Variants in LRRTM4 observed in about 807,000 individuals in gnomAD.
The protein encoded by LRRTM4 is leucine rich repeat transmembrane neuronal 4, also known as leucine-rich repeat transmembrane neuronal protein 4.
LRRTM4 carries 25 observed loss-of-function variants against 47.6 expected under a neutral mutation model. The observed-to-expected ratio is 0.53, with a 90% CI of 0.38 to 0.73. The LOEUF is 0.73. Among genes scored for constraint, LRRTM4 ranks in the 30% least tolerant of loss-of-function variants. The pLI, the probability that LRRTM4 is intolerant of heterozygous loss-of-function variation, is 0.00. For missense variants in LRRTM4, 638 were observed against 713.4 expected (o/e 0.89, Z 1.20); for synonymous variants, 311 against 269.5 (o/e 1.15, Z -1.51).
chr2:77,516,597 T>A (rs1480276449), intron 3 of LRRTM4: 1 of 981,392 alleles, frequency 1.0e-6, no homozygotes, highest in African/African-American at 1.7e-5. Flanking sequence ...GATGAACTTG[T>A]GTTACTAATA....
intron 3 of LRRTM4, among the ~76,000 whole-genome samples, chr2:77,061,837 C>G (rs1679797297): frequency 6.6e-6 from 1 of 152,106 alleles, no homozygotes. Context: ...ACCAATCACG[C>G]TGGATTATCA....
intron 3 of LRRTM4, among the ~76,000 whole-genome samples, chr2:76,995,195 A>G (rs1677156893): frequency 6.6e-6 from 1 of 152,084 alleles, no homozygotes; most frequent in African/African-American, 2.4e-5. Flanking sequence ...AGCTACCTAG[A>G]TAATTCCTTA....
At chr2:77,132,655 G>A (rs778922685) in intron 3 of LRRTM4, among the ~76,000 whole-genome samples, 1 of 152,138 alleles carries the variant, frequency 6.6e-6, no homozygotes, top group Non-Finnish European at 1.5e-5. Context: ...TGAAAGAGCA[G>A]AAGAGCAAAA....
Position 77,519,883 on chromosome 2 carries a change from G to T in LRRTM4, c.5-19C>A. ...TGGAAACCTACGATATTAAAAAAAAGACAGATGCACATTGTGAAGCTATTA... is the reference window on the plus strand; with the variant it reads ...TGGAAACCTACGATATTAAAAAAAATACAGATGCACATTGTGAAGCTATTA... On this transcript the variant is annotated intron_variant, in intron 2 of 3. Coordinates refer to ENST00000409884, the MANE Select transcript of LRRTM4 (RefSeq NM_001134745.3). This position sits in a 1 kb window ranked among gnomAD's most constrained non-coding sequence, Gnocchi z 4.6. 6.5e-7 allele frequency: 1 copy of T among 1,547,956 alleles called. No homozygotes were observed. Among genetic ancestry groups the T allele is most frequent in the Non-Finnish European group, 8.7e-7 (1 of 1,147,218 alleles).
At chr2:76,913,405 CTAAA>C (rs1479092075) in intron 3 of LRRTM4, among the ~76,000 whole-genome samples, 1 of 151,608 alleles carries the variant, frequency 6.6e-6, no homozygotes, top group Non-Finnish European at 1.5e-5. Flanking sequence ...ATTTATTTAA[CTAAA>C]TATATTACTG....
chr2:77,154,802 T>C (rs1672515725), intron 3 of LRRTM4, among the ~76,000 whole-genome samples: 1 of 152,178 alleles, frequency 6.6e-6, no homozygotes, highest in African/African-American at 2.4e-5. Context: ...ATGCATGGGC[T>C]TTATGAGTCA....
chr2:77,082,623 G>A (rs1007102595), intron 3 of LRRTM4, among the ~76,000 whole-genome samples: 5 of 152,074 alleles, frequency 3.3e-5, no homozygotes, highest in Non-Finnish European at 5.9e-5. Flanking sequence ...AGATAAGCCA[G>A]TGCGTCAACA....
chr2:77,309,724 T>C (rs1573231258), intron 3 of LRRTM4, among the ~76,000 whole-genome samples: 1 of 149,182 alleles, frequency 6.7e-6, no homozygotes, highest in Non-Finnish European at 1.5e-5. Context: ...GATAGATAGA[T>C]AGATAGATAT....
At chr2:77,495,511 A>G (rs1176411999) in intron 3 of LRRTM4, among the ~76,000 whole-genome samples, 6 of 151,924 alleles carry the variant, frequency 3.9e-5, no homozygotes, top group African/African-American at 1.2e-4. Flanking sequence ...TTTATTCTAG[A>G]ATTTTTATGG....
chr2:77,436,125 G>A (rs1041598042), intron 3 of LRRTM4, among the ~76,000 whole-genome samples: 23 of 152,116 alleles, frequency 1.5e-4, no homozygotes, highest in Middle Eastern at 3.4e-3. Flanking sequence ...TATTAAAAGC[G>A]GTACCAAAAT....
chr2:77,224,770 T>G (rs1327661896), intron 3 of LRRTM4, among the ~76,000 whole-genome samples: 9 of 152,136 alleles, frequency 5.9e-5, no homozygotes, highest in East Asian at 5.8e-4. Flanking sequence ...GGTGGGACTG[T>G]AAACTAGTTC....
rs144817565 is a variant in LRRTM4 at position 77,151,117 on chromosome 2, ATGTG to A, written c.1551+367197_1551+367200del. 1.6e-3 allele frequency among the ~76,000 whole-genome samples: 232 copies of A among 147,702 alleles called. 3 individuals carry two copies. Among genetic ancestry groups the A allele is most frequent in the South Asian group, 7.3e-3 (34 of 4,654 alleles). On this transcript the variant is annotated intron_variant, in intron 3 of 3. Coordinates refer to ENST00000409884, the MANE Select transcript of LRRTM4 (RefSeq NM_001134745.3). The stretch of plus-strand genomic sequence containing the variant: ...GTAATAGACTAGACTACGTCCGTGT[ATGTG>A]TGTGTGTGTGTGTGTGTGTGTATGT...
At chr2:76,883,134 A>G (rs1462988626) in intron 3 of LRRTM4, among the ~76,000 whole-genome samples, 2 of 152,004 alleles carry the variant, frequency 1.3e-5, no homozygotes, top group African/African-American at 2.4e-5. Context: ...CTGTGCTTCA[A>G]TATGTGAAAC....
chr2:77,428,116 T>C (rs994413966), intron 3 of LRRTM4, among the ~76,000 whole-genome samples: 2 of 152,200 alleles, frequency 1.3e-5, no homozygotes, highest in Non-Finnish European at 2.9e-5. Context: ...CCTGCCACCA[T>C]GTGAAGAAGG....
intron 3 of LRRTM4, among the ~76,000 whole-genome samples, chr2:76,953,604 G>A (rs912674236): frequency 7.2e-5 from 11 of 151,808 alleles, no homozygotes; most frequent in African/African-American, 2.4e-4. Flanking sequence ...GGTATACCTT[G>A]AATGTCTGGG....
At chr2:77,001,469 C>CTAGG (rs1306615510) in intron 3 of LRRTM4, among the ~76,000 whole-genome samples, 1 of 152,120 alleles carries the variant, frequency 6.6e-6, no homozygotes, top group Admixed American at 6.6e-5. Flanking sequence ...TGTGCATGTG[C>CTAGG]TAGGAGTTTA....
rs1245590805 is a variant in LRRTM4 at position 77,460,641 on chromosome 2, T to C, written c.1551+57677A>G. On this transcript the variant is annotated intron_variant, in intron 3 of 3. Coordinates refer to ENST00000409884, the MANE Select transcript of LRRTM4 (RefSeq NM_001134745.3). ...ATAAGTTAATTGATTATGAAGTAAT[T>C]TTTTTGAAATGGTGCATTCTCTTAG... Among the ~76,000 whole-genome samples the C allele has an allele frequency of 2.6e-5, 4 of 152,276 alleles. No homozygotes were observed. In the East Asian group the frequency reaches 7.7e-4, roughly 29 times the overall value.
intron 3 of LRRTM4, among the ~76,000 whole-genome samples, chr2:76,883,675 T>A (rs545919376): frequency 5.9e-5 from 9 of 152,064 alleles, no homozygotes; most frequent in Non-Finnish European, 1.3e-4. Flanking sequence ...CAAATCCCCA[T>A]CTCAGGAATT....
Position 76,913,543 on chromosome 2 carries a change from ATT to A in LRRTM4, c.1552-164629_1552-164628del, listed in dbSNP as rs58615415. Among the ~76,000 whole-genome samples the A allele has an allele frequency of 2.1e-4, 25 of 121,456 alleles. 1 individual carries two copies. Among genetic ancestry groups the A allele is most frequent in the African/African-American group, 5.9e-4 (18 of 30,598 alleles). The allele number at this position is 121,456 out of a possible 152,430, so 79.7% of individuals were successfully genotyped here. A position where few individuals can be genotyped will look rare whatever the true frequency, so the allele number is the denominator to read the frequency against. ...CCAAATATTTAGAGATCCTATTTCAATTTTTTTTTTTTTTGAGACAGAGTCTT... is the reference window on the plus strand; with the variant it reads ...CCAAATATTTAGAGATCCTATTTCAATTTTTTTTTTTTGAGACAGAGTCTT... On this transcript the variant is annotated intron_variant, in intron 3 of 3. Coordinates refer to ENST00000409884, the MANE Select transcript of LRRTM4 (RefSeq NM_001134745.3).
Sources: gnomAD v4.1 joint callset for allele counts (sites outside exome capture counted in the v4.1 genomes callset) on GRCh38, gnomAD v4.1.1 for gene constraint, Gnocchi (gnomAD v3.1) non-coding constraint, MANE v1.5 for transcripts, NCBI Gene and HGNC (gene_info 2026-07-23, HGNC 2026-07-21) for gene names.